TRABD2B: variants seen among roughly 807,000 people sequenced by gnomAD.
The protein encoded by TRABD2B is metalloprotease TIKI2.
Under a neutral mutation model 40.1 loss-of-function variants are expected in TRABD2B, and 14 were observed. That is an observed-to-expected ratio of 0.35 (90% CI 0.23 to 0.55). TRABD2B has a LOEUF of 0.55. TRABD2B is among the 20% of genes least tolerant of loss of function. TRABD2B has a pLI of 0.90. For synonymous variants in TRABD2B, 263 were observed against 277.0 expected (o/e 0.95, Z 0.50); for missense variants, 541 against 648.6 (o/e 0.83, Z 1.80).
chr1:47,794,479 C>T, intron 4 of TRABD2B, 107 bp downstream of exon 4: 1 of 1,286,468 alleles, frequency 7.8e-7, no homozygotes, highest in South Asian at 1.6e-5. Context: ...GCTTTTCCTG[C>T]CCCATCCTGG....
intron 2 of TRABD2B, among the ~76,000 whole-genome samples, chr1:47,950,055 G>A (rs1055578443): frequency 6.6e-6 from 1 of 152,120 alleles, no homozygotes; most frequent in Non-Finnish European, 1.5e-5. Context: ...GGAGGCCAAG[G>A]CAGACGGATC....
rs377712226 is a variant in TRABD2B at position 47,883,362 on chromosome 1, A to G, written c.667-81743T>C. On this transcript the variant is annotated intron_variant, in intron 2 of 6. Coordinates refer to ENST00000606738, the MANE Select transcript of TRABD2B (RefSeq NM_001194986.2). Reference sequence around the variant, plus strand: ...CTGTAGCTCAAAATGCTGGTATTATAGGCTTGATGTTCAAGTTCATCTCAG... The same window carrying G: ...CTGTAGCTCAAAATGCTGGTATTATGGGCTTGATGTTCAAGTTCATCTCAG... 1.5e-4 allele frequency among the ~76,000 whole-genome samples: 23 copies of G among 152,342 alleles called. No individual in the cohort carries two copies. The East Asian group carries it at 2.1e-3, about 14-fold the overall frequency.
At chr1:47,835,388 C>A (rs374968780) in intron 2 of TRABD2B, among the ~76,000 whole-genome samples, 111 of 151,984 alleles carry the variant, frequency 7.3e-4, no homozygotes, top group African/African-American at 2.6e-3. Context: ...CTGAACACTG[C>A]CAAAATTTGA....
At chr1:47,858,232 TA>T (rs1393246833) in intron 2 of TRABD2B, among the ~76,000 whole-genome samples, 1 of 68,064 alleles carries the variant, frequency 1.5e-5, no homozygotes, top group Non-Finnish European at 3.3e-5. Flanking sequence ...TATTTTATTT[TA>T]TTTTATTTTA....
At chr1:47,945,942 A>G (rs1570342818) in intron 2 of TRABD2B, among the ~76,000 whole-genome samples, 1 of 152,322 alleles carries the variant, frequency 6.6e-6, no homozygotes, top group African/African-American at 2.4e-5. Context: ...TGGTAAGTGT[A>G]TGTTTAATGT....
intron 2 of TRABD2B, among the ~76,000 whole-genome samples, chr1:47,971,106 A>C (rs1419416496): frequency 6.6e-6 from 1 of 152,230 alleles, no homozygotes; most frequent in East Asian, 1.9e-4. Context: ...GGTAAAAGAA[A>C]TCAGGCTTGG....
At chr1:47,778,819 T>A (rs1644482564) in intron 4 of TRABD2B, among the ~76,000 whole-genome samples, 1 of 152,160 alleles carries the variant, frequency 6.6e-6, no homozygotes, top group Non-Finnish European at 1.5e-5. Context: ...AATAGCAACA[T>A]CCAGGGTTGC....
At chr1:47,902,639 G>C (rs1403933088) in intron 2 of TRABD2B, among the ~76,000 whole-genome samples, 1 of 152,184 alleles carries the variant, frequency 6.6e-6, no homozygotes, top group Non-Finnish European at 1.5e-5. Context: ...TAGGACTACA[G>C]GGTTACACCA....
At chr1:47,770,377 C>A (rs1378509805) in intron 6 of TRABD2B, among the ~76,000 whole-genome samples, 2 of 152,194 alleles carry the variant, frequency 1.3e-5, no homozygotes, top group Admixed American at 1.3e-4. Context: ...ATATCTAGGG[C>A]TCCTCCCGCC....
chr1:47,769,080 A>G (rs975530245), intron 6 of TRABD2B, among the ~76,000 whole-genome samples: 1 of 152,166 alleles, frequency 6.6e-6, no homozygotes, highest in African/African-American at 2.4e-5. Context: ...CTGAGGCCTC[A>G]TCTGGCCTCA....
intron 2 of TRABD2B, among the ~76,000 whole-genome samples, chr1:47,993,770 G>A (rs905335721): frequency 6.6e-6 from 1 of 152,200 alleles, no homozygotes; most frequent in African/African-American, 2.4e-5. Context: ...CACAGCAGGT[G>A]AGGAGTGTAC....
At chr1:47,984,754 C>A (rs541519440) in intron 2 of TRABD2B, among the ~76,000 whole-genome samples, 10 of 152,246 alleles carry the variant, frequency 6.6e-5, no homozygotes, top group Non-Finnish European at 1.5e-4. Flanking sequence ...AGGAAGCCTT[C>A]CTGGATCTCC....
intron 4 of TRABD2B, 45 bp downstream of exon 4, chr1:47,794,541 C>T (rs1644719211): frequency 6.8e-7 from 1 of 1,475,662 alleles, no homozygotes; most frequent in Non-Finnish European, 9.0e-7. Context: ...CCAAGCAAAT[C>T]TCCCAGGATT....
intron 6 of TRABD2B, among the ~76,000 whole-genome samples, chr1:47,771,766 T>G (rs945454324): frequency 6.6e-6 from 1 of 152,252 alleles, no homozygotes; most frequent in Non-Finnish European, 1.5e-5. Context: ...ACGCTTCGTC[T>G]GCCCTTTCCA....
intron 2 of TRABD2B, among the ~76,000 whole-genome samples, chr1:47,875,323 G>A (rs771836603): frequency 3.3e-5 from 5 of 150,698 alleles, no homozygotes; most frequent in African/African-American, 9.8e-5. Flanking sequence ...CACAGCACGC[G>A]GCAACACTAG....
At chr1:47,980,699 C>T (rs1320955981) in intron 2 of TRABD2B, among the ~76,000 whole-genome samples, 2 of 152,204 alleles carry the variant, frequency 1.3e-5, no homozygotes, top group African/African-American at 2.4e-5. Context: ...GGCACCTGTA[C>T]GTCTGTTGGG....
chr1:47,788,763 T>C (rs569648503), intron 4 of TRABD2B, among the ~76,000 whole-genome samples: 8 of 152,192 alleles, frequency 5.3e-5, no homozygotes, highest in Non-Finnish European at 1.0e-4. Flanking sequence ...ACTCAGATTA[T>C]AGCACGTGCT....
chr1:47,969,052 A>G (rs1019329623), intron 2 of TRABD2B, among the ~76,000 whole-genome samples: 1 of 152,224 alleles, frequency 6.6e-6, no homozygotes, highest in Non-Finnish European at 1.5e-5. Flanking sequence ...CCCTGTGTCA[A>G]GTCCAATAGA....
intron 2 of TRABD2B, among the ~76,000 whole-genome samples, chr1:47,980,862 A>C (rs927676021): frequency 6.6e-6 from 1 of 152,034 alleles, no homozygotes; most frequent in Non-Finnish European, 1.5e-5. Context: ...AGCCTTCCTC[A>C]AGAGGGACCC....
Sources: allele counts gnomAD v4.1 joint callset (sites outside exome capture counted in the v4.1 genomes callset), GRCh38; gene constraint gnomAD v4.1.1; transcripts MANE v1.5; gene names NCBI Gene and HGNC (gene_info 2026-07-23, HGNC 2026-07-21).